TPRG1: variants seen among roughly 807,000 people sequenced by gnomAD.
TPRG1 encodes the protein tumor protein p63-regulated gene 1 protein.
TPRG1 carries 29 observed loss-of-function variants against 29.3 expected under a neutral mutation model. That is an observed-to-expected ratio of 0.99 (90% confidence interval 0.74 to 1.35). TPRG1 has a LOEUF of 1.35. Ranked by LOEUF, TPRG1 falls within the 40% of genes most tolerant of loss-of-function variation. The pLI is 0.00. For synonymous variants in TPRG1, 130 were observed against 116.8 expected, an observed-to-expected ratio of 1.11 and a Z score of -0.73; for missense variants, 327 against 335.0, an observed-to-expected ratio of 0.98 and a Z score of 0.19.
intron 4 of TPRG1, among the ~76,000 whole-genome samples, chr3:189,071,816 G>A (rs1039519760): frequency 6.6e-6 from 1 of 152,196 alleles, no homozygotes; most frequent in African/African-American, 2.4e-5. Context: ...TCTAAGGTTC[G>A]AAATCTGCTA....
At chr3:189,056,257 A>G (rs993065251) in intron 4 of TPRG1, among the ~76,000 whole-genome samples, 4 of 151,946 alleles carry the variant, frequency 2.6e-5, no homozygotes, top group African/African-American at 4.8e-5. Flanking sequence ...CATCATGCCC[A>G]GCTAATTTTT....
At chr3:189,208,845 TATAGA>T (rs930739504) in intron 2 of TPRG1, among the ~76,000 whole-genome samples, 56 of 152,334 alleles carry the variant, frequency 3.7e-4, no homozygotes, top group African/African-American at 1.3e-3. Context: ...CACACTGCGA[TATAGA>T]ATAAAGATTT....
intron 3 of TPRG1, among the ~76,000 whole-genome samples, chr3:189,225,694 G>A (rs1737620913): frequency 6.6e-6 from 1 of 152,052 alleles, no homozygotes; most frequent in Non-Finnish European, 1.5e-5. Context: ...GGGGTTTCCT[G>A]GGTTGTGCCA....
At chr3:189,023,273 T>C (rs1211499233) in intron 3 of TPRG1, among the ~76,000 whole-genome samples, 1 of 152,228 alleles carries the variant, frequency 6.6e-6, no homozygotes, top group African/African-American at 2.4e-5. Context: ...GATTCTTTAC[T>C]CCACTTGGTC....
At chr3:189,051,364 C>A (rs1715308763) in intron 4 of TPRG1, among the ~76,000 whole-genome samples, 1 of 151,622 alleles carries the variant, frequency 6.6e-6, no homozygotes, top group Admixed American at 6.6e-5. Flanking sequence ...AAACAAAAAA[C>A]CACCTTAGGA....
intron 3 of TPRG1, among the ~76,000 whole-genome samples, chr3:189,146,468 AATG>A (rs1395267276): frequency 2.0e-5 from 3 of 152,202 alleles, no homozygotes; most frequent in Non-Finnish European, 4.4e-5. Context: ...CAAAAAAACA[AATG>A]TTGTTGGGAG....
At chr3:189,039,666 AC>A (rs889202792) in intron 4 of TPRG1, among the ~76,000 whole-genome samples, 4 of 152,188 alleles carry the variant, frequency 2.6e-5, no homozygotes, top group African/African-American at 7.2e-5. Flanking sequence ...TCTATTGAAA[AC>A]CACAAAGTTT....
intron 3 of TPRG1, among the ~76,000 whole-genome samples, chr3:189,018,959 T>C (rs1047817848): frequency 1.5e-4 from 23 of 152,096 alleles, no homozygotes; most frequent in Non-Finnish European, 3.1e-4. Context: ...CCCTTGTAAG[T>C]TGGATTCCTA....
At position 189,110,592 on chromosome 3, in the gene TPRG1, A is replaced by G. The variant is rs530870312; in HGVS notation, c.-744+10388A>G. Among the ~76,000 whole-genome samples, 7 of 152,162 alleles carry G rather than the reference A, an allele frequency of 4.6e-5. No homozygotes were observed. In the South Asian group the frequency reaches 6.2e-4, roughly 13 times the overall value. ...ATTTGGCTTAGACTTTTGATGTCCT[A>G]TCTAAGAACTCTTTGCTTATTCCAC... On this transcript the variant is annotated intron_variant, in intron 1 of 6. Transcript: ENST00000412373.
chr3:189,263,530 G>A (rs1472942471), intron 4 of TPRG1, among the ~76,000 whole-genome samples: 1 of 152,174 alleles, frequency 6.6e-6, no homozygotes, highest in Non-Finnish European at 1.5e-5. Context: ...GCTTGTGCTG[G>A]CATTCACTAC....
intron 4 of TPRG1, among the ~76,000 whole-genome samples, chr3:189,275,894 C>T (rs1716055946): frequency 6.6e-6 from 1 of 152,104 alleles, no homozygotes; most frequent in Non-Finnish European, 1.5e-5. Flanking sequence ...TAGACAATCT[C>T]ATACCTCAAA....
At chr3:189,033,744 T>A (rs186195918) in intron 4 of TPRG1, among the ~76,000 whole-genome samples, 1 of 152,038 alleles carries the variant, frequency 6.6e-6, no homozygotes, top group East Asian at 1.9e-4. Flanking sequence ...CATGCCCTAA[T>A]TTTTTGTATT....
intron 4 of TPRG1, among the ~76,000 whole-genome samples, chr3:189,042,820 T>A (rs922156199): frequency 5.3e-5 from 8 of 152,106 alleles, no homozygotes; most frequent in African/African-American, 1.7e-4. Flanking sequence ...CCTTATTTTA[T>A]GGATGAGGAA....
At chr3:189,026,516 C>A (rs149834019) in intron 4 of TPRG1, among the ~76,000 whole-genome samples, 1 of 152,112 alleles carries the variant, frequency 6.6e-6, no homozygotes, top group African/African-American at 2.4e-5. Flanking sequence ...TTTATACTAG[C>A]CCTGGTATTG....
At chr3:189,088,249 T>G (rs1385855853) in intron 4 of TPRG1, among the ~76,000 whole-genome samples, 1 of 152,210 alleles carries the variant, frequency 6.6e-6, no homozygotes, top group Non-Finnish European at 1.5e-5. Context: ...CTGGGTATTT[T>G]ATTCTCTTTG....
intron 1 of TPRG1, among the ~76,000 whole-genome samples, chr3:189,204,229 T>C (rs1733964346): frequency 6.6e-6 from 1 of 152,170 alleles, no homozygotes; most frequent in African/African-American, 2.4e-5. Context: ...GGATGATTGA[T>C]CTATGTGAAA....
intron 4 of TPRG1, among the ~76,000 whole-genome samples, chr3:189,041,524 T>C (rs887477266): frequency 5.3e-5 from 8 of 152,160 alleles, no homozygotes; most frequent in African/African-American, 1.9e-4. Context: ...GGAGATATTA[T>C]TGTTTCTAAT....
rs144276466 is a variant in TPRG1 at position 189,150,275 on chromosome 3, T to G, written c.-226-381T>G. Among the ~76,000 whole-genome samples the G allele has an allele frequency of 2.4e-3, 367 of 152,290 alleles. 2 individuals carry two copies. The highest frequency in any genetic ancestry group is 8.5e-3 in the African/African-American group (354 of 41,570). On this transcript the variant is annotated intron_variant, in intron 4 of 6. Transcript: ENST00000412373. ...TTGGCTCACTGCAACCTCCACCTCC[T>G]GGGTTCAAGCAATTCTCAAGCCTCA...
At chr3:189,009,603 C>G (rs1046322160) in intron 3 of TPRG1, among the ~76,000 whole-genome samples, 1 of 151,986 alleles carries the variant, frequency 6.6e-6, no homozygotes, top group Non-Finnish European at 1.5e-5. Flanking sequence ...TTTTAAAAAG[C>G]AAGAAAACTA....
Sources: allele counts gnomAD v4.1 joint callset (sites outside exome capture counted in the v4.1 genomes callset), GRCh38; gene constraint gnomAD v4.1.1; transcripts MANE v1.5; gene names NCBI Gene and HGNC (gene_info 2026-07-23, HGNC 2026-07-21).